PLA2G4E: variants seen among roughly 807,000 people sequenced by gnomAD.
PLA2G4E encodes the protein phospholipase A2 group IVE.
PLA2G4E carries 84 observed loss-of-function variants against 109.1 expected under a neutral mutation model. The observed-to-expected ratio is 0.77, with a 90% CI of 0.65 to 0.92. The LOEUF is 0.92. Among genes scored for constraint, PLA2G4E ranks in the 40% least tolerant of loss-of-function variants. The probability of loss-of-function intolerance (pLI) is 0.00; values close to 1 mark genes in which losing one functional copy is unlikely to be tolerated. For missense variants in PLA2G4E, 1,057 were observed against 1,076.6 expected (o/e 0.98, Z 0.25); for synonymous variants, 469 against 436.1 (o/e 1.08, Z -0.94).
chr15:42,019,813 C>A (rs1401704555), intron 1 of PLA2G4E, among the ~76,000 whole-genome samples: 1 of 152,206 alleles, frequency 6.6e-6, no homozygotes, highest in Non-Finnish European at 1.5e-5. Flanking sequence ...GGCAAGAAAT[C>A]CCGGCACCAA....
exon 16 of PLA2G4E, chr15:41,988,155 G>A (rs2068179905): frequency 6.3e-7 from 1 of 1,590,286 alleles, no homozygotes; most frequent in Non-Finnish European, 8.6e-7. Context: ...TGCTCCACAG[G>A]CCTGGGAGCC....
rs1350130417 is a variant in PLA2G4E, at chr15:42,015,058, A to G, written c.184-1301T>C. On this transcript the variant is annotated intron_variant, in intron 1 of 19. Transcript: ENST00000399518. Reference sequence around the variant, plus strand: ...ATCACCTCCTGGGGGCTCTGCCATCATCTCAAGCCCAGGTCCTCAAGGAAC... The same window carrying G: ...ATCACCTCCTGGGGGCTCTGCCATCGTCTCAAGCCCAGGTCCTCAAGGAAC... 2.0e-5 allele frequency among the ~76,000 whole-genome samples: 3 copies of G among 152,090 alleles called. No individual in the cohort carries two copies. In the East Asian group the frequency reaches 5.8e-4, roughly 30 times the overall value.
At chr15:42,008,537 A>G (rs980681302) in intron 2 of PLA2G4E, among the ~76,000 whole-genome samples, 2 of 152,240 alleles carry the variant, frequency 1.3e-5, no homozygotes, top group Non-Finnish European at 1.5e-5. Context: ...TTCATTCTAA[A>G]TGAACAACCC....
In PLA2G4E at chr15:41,991,114, A is replaced by C. The variant is rs2068240802; in HGVS notation, c.1471-879T>G. ...ACAGAGCCCACTGTCCTGGAAGTAA[A>C]GCTGCAGGCTCAGGGAAGAGCCGGT... On this transcript the variant is annotated intron_variant, in intron 13 of 19. Transcript: ENST00000399518. 2.0e-5 allele frequency among the ~76,000 whole-genome samples: 3 copies of C among 152,192 alleles called. No homozygotes were observed. In the South Asian group the frequency reaches 6.2e-4, roughly 32 times the overall value.
At chr15:42,037,106 G>A (rs1046707304) in intron 1 of PLA2G4E, among the ~76,000 whole-genome samples, 1 of 152,252 alleles carries the variant, frequency 6.6e-6, no homozygotes, top group African/African-American at 2.4e-5. Flanking sequence ...GTGGGGGACT[G>A]AGGGCAGCTC....
intron 1 of PLA2G4E, among the ~76,000 whole-genome samples, chr15:42,025,427 A>C (rs969161210): frequency 6.6e-6 from 1 of 152,048 alleles, no homozygotes. Flanking sequence ...TGTTGTGCTT[A>C]TCTGGGAGGG....
At position 42,003,841 on chromosome 15, in the gene PLA2G4E, C is replaced by T. The variant is rs556379001; in HGVS notation, c.566+1097G>A. 3.9e-5 allele frequency among the ~76,000 whole-genome samples: 6 copies of T among 152,298 alleles called. No homozygotes were observed. The East Asian group carries it at 1.2e-3, about 29-fold the overall frequency. On this transcript the variant is annotated intron_variant, in intron 5 of 19. Transcript: ENST00000399518. Reference sequence around the variant, plus strand: ...AGCTGCCCAGTTACAGGGCACTCTGCCCGGCCTGAGGCGGGGGTTGCCTTT... The same window carrying T: ...AGCTGCCCAGTTACAGGGCACTCTGTCCGGCCTGAGGCGGGGGTTGCCTTT...
At chr15:42,043,564 CAAAAAAAAAAA>C (rs58079481) in intron 1 of PLA2G4E, among the ~76,000 whole-genome samples, 1 of 95,320 alleles carries the variant, frequency 1.0e-5, no homozygotes, top group Non-Finnish European at 2.2e-5. Flanking sequence ...ATGGAGGATA[CAAAAAAAAAAA>C]AAAAAAAAAC....
chr15:41,992,587 C>G, intron 13 of PLA2G4E, 150 bp downstream of exon 13: 1 of 747,976 alleles, frequency 1.3e-6, no homozygotes, highest in Non-Finnish European at 2.1e-6. Context: ...TCATAGAGTC[C>G]GACACCTTAT....
At chr15:41,985,815 T>G in intron 18 of PLA2G4E, 24 bp downstream of exon 18, 1 of 1,598,782 alleles carries the variant, frequency 6.3e-7, no homozygotes, top group South Asian at 1.1e-5. Flanking sequence ...CAGCCCATGC[T>G]CAGGAGGGAG....
At chr15:42,039,842 TA>T (rs1172304904) in intron 1 of PLA2G4E, among the ~76,000 whole-genome samples, 3 of 152,068 alleles carry the variant, frequency 2.0e-5, no homozygotes, top group African/African-American at 7.2e-5. Context: ...AATGGGAAAA[TA>T]AAATGATCAA....
exon 20 of PLA2G4E, chr15:41,983,322 G>A: frequency 5.8e-6 from 1 of 172,098 alleles, no homozygotes; most frequent in Admixed American, 5.6e-5. Flanking sequence ...TTTTTCCAGT[G>A]AAACGCCGAG....
chr15:41,988,268 A>G (rs2068183124), intron 15 of PLA2G4E, 112 bp from the exon 16 acceptor site: 3 of 650,662 alleles, frequency 4.6e-6, no homozygotes, highest in South Asian at 3.7e-5. Flanking sequence ...AGGCTGCTCC[A>G]CAGGCGGGAC....
At position 42,019,334 on chromosome 15, in the gene PLA2G4E, C is replaced by A. The variant is rs1370381370; in HGVS notation, c.184-5577G>T. ...AAAAGAATACTTAATTACCAAAGGG[C>A]TCCCAGGGTCAGGCTCCTGGGTGGG... is the stretch of plus-strand genomic sequence containing the variant. On this transcript the variant is annotated intron_variant, in intron 1 of 19. Coordinates refer to ENST00000399518, the Ensembl canonical transcript of PLA2G4E. Among the ~76,000 whole-genome samples the A allele has an allele frequency of 2.6e-5, 4 of 152,250 alleles. No homozygotes were observed. The South Asian group carries it at 6.2e-4, about 24-fold the overall frequency.
intron 2 of PLA2G4E, among the ~76,000 whole-genome samples, chr15:42,011,213 A>G (rs1296759092): frequency 1.3e-5 from 2 of 152,270 alleles, no homozygotes; most frequent in Non-Finnish European, 2.9e-5. Flanking sequence ...CCCAAGGGGC[A>G]TGTAGGGAAG....
chr15:42,010,137 C>CCCCG (rs773556282), intron 2 of PLA2G4E: 6 of 474,596 alleles, frequency 1.3e-5, no homozygotes, highest in African/African-American at 2.2e-5. Flanking sequence ...CACTGGCCCC[C>CCCCG]CCACCCCGGG....
exon 8 of PLA2G4E, chr15:42,000,163 G>T: frequency 6.3e-7 from 1 of 1,595,748 alleles, no homozygotes; most frequent in Non-Finnish European, 8.5e-7. Context: ...AAGTACTTGG[G>T]GTAGTGGAAG....
At chr15:42,015,661 A>G (rs569770776) in intron 1 of PLA2G4E, among the ~76,000 whole-genome samples, 1 of 152,372 alleles carries the variant, frequency 6.6e-6, no homozygotes, top group South Asian at 2.1e-4. Flanking sequence ...AACAGCGGCC[A>G]GTGGCTTTGA....
At chr15:42,030,689 G>A (rs1889097771) in intron 1 of PLA2G4E, among the ~76,000 whole-genome samples, 1 of 152,224 alleles carries the variant, frequency 6.6e-6, no homozygotes, top group Non-Finnish European at 1.5e-5. Context: ...CTGTGTTGAG[G>A]TGGTCTCACA....
Sources: gnomAD v4.1 joint callset for allele counts (sites outside exome capture counted in the v4.1 genomes callset) on GRCh38, gnomAD v4.1.1 for gene constraint, MANE v1.5 for transcripts, NCBI Gene and HGNC (gene_info 2026-07-23, HGNC 2026-07-21) for gene names.